TRPM8: variants seen among roughly 807,000 people sequenced by gnomAD.
The protein encoded by TRPM8 is TRPM8 cationic channel.
TRPM8 carries 110 observed loss-of-function variants against 133.7 expected under a neutral mutation model. That is an observed-to-expected ratio of 0.82 (90% CI 0.70 to 0.96). The LOEUF (loss-of-function observed/expected upper bound fraction) is 0.96. Ranked by LOEUF, TRPM8 falls within the 40% of genes least tolerant of loss-of-function variation. TRPM8 has a pLI of 0.00. For synonymous variants in TRPM8, 535 were observed against 532.3 expected (o/e 1.01, Z -0.07); for missense variants, 1,291 against 1,379.5 (o/e 0.94, Z 1.02).
At chr2:233,929,314 G>T in intron 2 of TRPM8, among the ~76,000 whole-genome samples, 1 of 152,202 alleles carries the variant, frequency 6.6e-6, no homozygotes, top group East Asian at 1.9e-4. Context: ...ATGTTCAAAG[G>T]ATTGGGAAGA....
At chr2:233,956,041 A>G (rs970125812) in intron 11 of TRPM8, among the ~76,000 whole-genome samples, 1 of 152,208 alleles carries the variant, frequency 6.6e-6, no homozygotes, top group Non-Finnish European at 1.5e-5. Flanking sequence ...AGTTGCAGGA[A>G]AACAAGCTTG....
At chr2:234,007,613 C>T (rs181103368) in intron 23 of TRPM8, among the ~76,000 whole-genome samples, 1 of 152,310 alleles carries the variant, frequency 6.6e-6, no homozygotes, top group East Asian at 1.9e-4. Flanking sequence ...GTCACTCTTC[C>T]TGAGGGTTCA....
rs372271943 is a variant in TRPM8 at position 233,924,703 on chromosome 2, T to C, written c.-5-1830T>C. Among the ~76,000 whole-genome samples, 44 of 152,282 alleles carry C rather than the reference T, an allele frequency of 2.9e-4. No homozygotes were observed. In the East Asian group the frequency reaches 3.7e-3, roughly 13 times the overall value. On this transcript the variant is annotated intron_variant, in intron 1 of 25. Coordinates refer to ENST00000324695, the MANE Select transcript of TRPM8 (RefSeq NM_024080.5). Reference sequence around the variant, plus strand: ...TTCCCAATGTTTTCTTTGATAGAAATGTGATTTGAAGGCAAAAATACCCCT... The same window carrying C: ...TTCCCAATGTTTTCTTTGATAGAAACGTGATTTGAAGGCAAAAATACCCCT...
chr2:233,960,316 T>C (rs1691400895), intron 11 of TRPM8, among the ~76,000 whole-genome samples: 1 of 152,162 alleles, frequency 6.6e-6, no homozygotes, highest in Non-Finnish European at 1.5e-5. Flanking sequence ...GATCCCACAG[T>C]GCAGCGTAGA....
At chr2:234,010,987 CTTGT>C (rs1320174311) in intron 24 of TRPM8, among the ~76,000 whole-genome samples, 1 of 152,098 alleles carries the variant, frequency 6.6e-6, no homozygotes, top group Non-Finnish European at 1.5e-5. Context: ...CATAATCCCA[CTTGT>C]TTGTTTTTGC....
intron 1 of TRPM8, among the ~76,000 whole-genome samples, chr2:233,918,379 A>C (rs1691343827): frequency 6.6e-6 from 1 of 150,946 alleles, no homozygotes; most frequent in Admixed American, 6.6e-5. Context: ...ATTACATTAC[A>C]ATTTATAATA....
chr2:233,986,467 A>T lies in TRPM8; in HGVS notation c.2939+602A>T, dbSNP rs180926468. On this transcript the variant is annotated intron_variant, in intron 21 of 25. Transcript: ENST00000324695. The stretch of plus-strand genomic sequence containing the variant: ...GAGGGTTTCAAAGAGCCCCAGTGGT[A>T]GTTTCAGTGGGAGAGCCTTGGTTTT... 4.8e-3 allele frequency among the ~76,000 whole-genome samples: 738 copies of T among 152,316 alleles called. 4 individuals carry two copies. The highest frequency in any genetic ancestry group is 0.017 in the African/African-American group (694 of 41,570).
chr2:234,011,828 A>G (rs957320411), intron 24 of TRPM8, among the ~76,000 whole-genome samples: 1 of 148,290 alleles, frequency 6.7e-6, no homozygotes, highest in Non-Finnish European at 1.5e-5. Flanking sequence ...AAGGCAGGAG[A>G]ATGGCGTGAA....
intron 2 of TRPM8, among the ~76,000 whole-genome samples, chr2:233,930,451 T>C (rs901817883): frequency 6.6e-6 from 1 of 152,222 alleles, no homozygotes; most frequent in Non-Finnish European, 1.5e-5. Context: ...AAATCACTTC[T>C]AGAAAAATTT....
At chr2:233,965,341 C>G (rs375765277) in intron 14 of TRPM8, among the ~76,000 whole-genome samples, 4 of 152,190 alleles carry the variant, frequency 2.6e-5, no homozygotes, top group African/African-American at 7.2e-5. Context: ...AGGGCTGCAG[C>G]TGAGATTACT....
intron 25 of TRPM8, 71 bp downstream of exon 25, chr2:234,014,725 A>T: frequency 1.9e-6 from 1 of 538,438 alleles, no homozygotes; most frequent in South Asian, 3.2e-5. Flanking sequence ...TAAGATCATG[A>T]TTTTTTCCTC....
At chr2:233,971,864 C>T (rs1691731112) in intron 17 of TRPM8, among the ~76,000 whole-genome samples, 1 of 147,278 alleles carries the variant, frequency 6.8e-6, no homozygotes, top group South Asian at 2.3e-4. Flanking sequence ...GTTGCCACTG[C>T]TGGCTCGCGC....
intron 9 of TRPM8, 157 bp from the exon 10 acceptor site, chr2:233,953,760 C>T (rs1691225440): frequency 1.7e-6 from 1 of 577,054 alleles, no homozygotes. Context: ...TTTATTCTCA[C>T]TGTAGTCAAG....
chr2:233,963,904 C>A (rs1437473736), intron 13 of TRPM8, among the ~76,000 whole-genome samples: 1 of 152,210 alleles, frequency 6.6e-6, no homozygotes, highest in Non-Finnish European at 1.5e-5. Context: ...CCAGGCCCCA[C>A]TCAACCTTTG....
intron 17 of TRPM8, among the ~76,000 whole-genome samples, chr2:233,973,038 G>C (rs115436602): frequency 6.6e-6 from 1 of 152,240 alleles, no homozygotes; most frequent in Non-Finnish European, 1.5e-5. Flanking sequence ...TCTCAGAAGC[G>C]TAAGGTAAAT....
In TRPM8 at chr2:233,926,666, G is replaced by T; in HGVS notation, c.117+12G>T. The T allele has an allele frequency of 1.3e-6, 2 of 1,589,850 alleles. No individual in the cohort carries two copies. Among genetic ancestry groups the T allele is most frequent in the Non-Finnish European group, 1.7e-6 (2 of 1,158,010 alleles). ...CTTACAGTGAAAGCGTAAGTCATGC[G>T]CATCACCTGTTTGAAAGGTTATCAT... is the stretch of plus-strand genomic sequence containing the variant. On this transcript the variant is annotated intron_variant, in intron 2 of 25. Transcript: ENST00000324695.
In TRPM8 at chr2:233,964,167, C is replaced by T. The variant is rs57953345; in HGVS notation, c.1750-461C>T. Among the ~76,000 whole-genome samples the T allele has an allele frequency of 7.7e-3, 1,166 of 152,232 alleles. 16 individuals carry two copies. Among genetic ancestry groups the T allele is most frequent in the African/African-American group, 0.026 (1,078 of 41,532 alleles). ...CACGTGTTGACCATATTCTCTAACC[C>T]GTCCCATAAAATTGATTCTACTATT... On this transcript the variant is annotated intron_variant, in intron 13 of 25. Coordinates refer to ENST00000324695, the MANE Select transcript of TRPM8 (RefSeq NM_024080.5).
At chr2:234,005,303 A>G (rs1415158829) in intron 22 of TRPM8, among the ~76,000 whole-genome samples, 3 of 152,124 alleles carry the variant, frequency 2.0e-5, no homozygotes, top group Admixed American at 6.5e-5. Flanking sequence ...CTAATTTTCC[A>G]GCATGGTTAG....
rs894977051 is a variant in TRPM8, at chr2:233,942,058, T to C, written c.527-518T>C. Reference sequence around the variant, plus strand: ...AGAGCCTGATGAGGCAGATCTGGAATAGGGTCAAGAATCTTTTTTTTTTTT... The same window carrying C: ...AGAGCCTGATGAGGCAGATCTGGAACAGGGTCAAGAATCTTTTTTTTTTTT... On this transcript the variant is annotated intron_variant, in intron 5 of 25. Transcript: ENST00000324695. 3.0e-4 allele frequency among the ~76,000 whole-genome samples: 44 copies of C among 147,972 alleles called. 1 individual carries two copies. The highest frequency in any genetic ancestry group is 2.6e-3 in the Admixed American group (39 of 14,860).
Sources: gnomAD v4.1 joint callset for allele counts (sites outside exome capture counted in the v4.1 genomes callset) on GRCh38, gnomAD v4.1.1 for gene constraint, MANE v1.5 for transcripts, NCBI Gene and HGNC (gene_info 2026-07-23, HGNC 2026-07-21) for gene names.